Variants in SCTR observed in about 807,000 individuals in gnomAD.
SCTR encodes pancreatic secretin receptor.
SCTR carries 56 observed loss-of-function variants against 60.8 expected under a neutral mutation model. The ratio of observed to expected loss-of-function variants is 0.92; its 90% CI spans 0.74 to 1.15. The LOEUF (loss-of-function observed/expected upper bound fraction) is 1.15, where lower values mean the gene tolerates loss of function less well. Ranked by LOEUF, SCTR falls within the 50% of genes most tolerant of loss-of-function variation. The probability of loss-of-function intolerance (pLI) is 0.00; values close to 1 mark genes in which losing one functional copy is unlikely to be tolerated. For missense variants in SCTR, 562 were observed against 550.4 expected, an observed-to-expected ratio of 1.02 and a Z score of -0.21; for synonymous variants, 202 against 217.0, an observed-to-expected ratio of 0.93 and a Z score of 0.61.
At chr2:119,515,829 A>G (rs111983811) in intron 1 of SCTR, among the ~76,000 whole-genome samples, 3,297 of 152,296 alleles carry the variant, frequency 0.022, 99 homozygotes, top group African/African-American at 0.073. Flanking sequence ...GCATGCCTCT[A>G]AGATGTGTTG....
intron 1 of SCTR, among the ~76,000 whole-genome samples, chr2:119,511,089 G>T (rs1424526047): frequency 1.3e-5 from 2 of 152,040 alleles, no homozygotes; most frequent in Non-Finnish European, 2.9e-5. Flanking sequence ...TGTAGTCCTG[G>T]CTACTTGGGA....
chr2:119,481,163 C>T (rs1383265353), intron 2 of SCTR, among the ~76,000 whole-genome samples: 4 of 152,244 alleles, frequency 2.6e-5, no homozygotes, highest in Non-Finnish European at 5.9e-5. Flanking sequence ...CAATTCTTAG[C>T]TCTGGGGACT....
At chr2:119,447,010 A>C in intron 10 of SCTR, 125 bp from the exon 11 acceptor site, 2 of 1,020,366 alleles carry the variant, frequency 2.0e-6, no homozygotes, top group South Asian at 4.4e-5. Context: ...CAGTACCCCA[A>C]ACTTTTTTGT....
intron 9 of SCTR, among the ~76,000 whole-genome samples, chr2:119,450,078 AAAATAAATAAATAAAT>A (rs140544177): frequency 1.0e-4 from 15 of 145,092 alleles, no homozygotes; most frequent in Non-Finnish European, 1.9e-4. Flanking sequence ...GAAAGAAAGA[AAAATAAATAAATAAAT>A]AAATAAATAA....
chr2:119,451,153 G>C (rs1285915641), intron 9 of SCTR, among the ~76,000 whole-genome samples: 1 of 152,132 alleles, frequency 6.6e-6, no homozygotes, highest in Non-Finnish European at 1.5e-5. Context: ...ACGCAGGTGA[G>C]CCTGCACAGG....
At chr2:119,473,413 C>T (rs770613204) in intron 4 of SCTR, 40 bp downstream of exon 4, 4 of 1,426,344 alleles carry the variant, frequency 2.8e-6, no homozygotes. Context: ...CCTATAGGTT[C>T]CTGTCCCCGG....
intron 1 of SCTR, among the ~76,000 whole-genome samples, chr2:119,496,578 A>G (rs2104907252): frequency 6.6e-6 from 1 of 152,336 alleles, no homozygotes; most frequent in Non-Finnish European, 1.5e-5. Flanking sequence ...AAGTGGAAGA[A>G]GAAGACAGAT....
At chr2:119,504,701 A>G (rs1353605264) in intron 1 of SCTR, among the ~76,000 whole-genome samples, 1 of 152,186 alleles carries the variant, frequency 6.6e-6, no homozygotes, top group Non-Finnish European at 1.5e-5. Context: ...CATGATCCAT[A>G]TAAGAAAAGA....
chr2:119,501,006 C>T (rs535424011), intron 1 of SCTR, among the ~76,000 whole-genome samples: 2 of 152,002 alleles, frequency 1.3e-5, no homozygotes, highest in South Asian at 2.1e-4. Flanking sequence ...ATATATATAT[C>T]TAAATGTGTC....
At chr2:119,452,355 C>T (rs189199994) in intron 8 of SCTR, among the ~76,000 whole-genome samples, 38 of 152,296 alleles carry the variant, frequency 2.5e-4, no homozygotes, top group Admixed American at 5.2e-4. Context: ...AATTCACCAG[C>T]GAGCACGGTG....
intron 2 of SCTR, chr2:119,486,976 T>G (rs1202438713): frequency 6.6e-6 from 1 of 152,244 alleles, no homozygotes; most frequent in Admixed American, 6.5e-5. Flanking sequence ...ACAGCCAGCA[T>G]GCGTGAAGAA....
At chr2:119,522,124 A>G (rs1299560806) in intron 1 of SCTR, among the ~76,000 whole-genome samples, 3 of 152,114 alleles carry the variant, frequency 2.0e-5, no homozygotes, top group Non-Finnish European at 4.4e-5. Context: ...GAGAAATCCC[A>G]TCTCTACTAA....
chr2:119,444,483 A>C (rs1312498556), intron 11 of SCTR, among the ~76,000 whole-genome samples: 1 of 103,892 alleles, frequency 9.6e-6, no homozygotes, highest in East Asian at 2.7e-4. Context: ...ACGTACGTAT[A>C]TATATACACA....
At chr2:119,443,147 A>G (rs1381799711) in intron 11 of SCTR, among the ~76,000 whole-genome samples, 2 of 152,164 alleles carry the variant, frequency 1.3e-5, no homozygotes, top group Non-Finnish European at 1.5e-5. Flanking sequence ...ACACATTTTC[A>G]CTGTTCAGGG....
At chr2:119,501,406 T>C (rs1393661322) in intron 1 of SCTR, among the ~76,000 whole-genome samples, 1 of 144,004 alleles carries the variant, frequency 6.9e-6, no homozygotes, top group African/African-American at 2.6e-5. Context: ...TGAGACTCCA[T>C]CTAAAAAAAA....
At chr2:119,452,583 A>G (rs1209557948) in intron 8 of SCTR, among the ~76,000 whole-genome samples, 1 of 152,162 alleles carries the variant, frequency 6.6e-6, no homozygotes, top group East Asian at 1.9e-4. Flanking sequence ...ATTTTTTTCT[A>G]GACAAGCTGA....
intron 1 of SCTR, among the ~76,000 whole-genome samples, chr2:119,513,369 A>G (rs1679016556): frequency 6.6e-6 from 1 of 152,226 alleles, no homozygotes; most frequent in Non-Finnish European, 1.5e-5. Context: ...TATGTGGTCA[A>G]TCTGTCATCT....
chr2:119,465,851 G>A lies in SCTR; in HGVS notation c.441C>T (p.Thr147=). ...SYLLKLKVMY[T]VGYSSSLVML... ...TGACCAGGGAGGAGCTGTAGCCCAC[G>A]GTGTACATGACTTTCAGCTTCAGCA... is the stretch of plus-strand genomic sequence containing the variant. The change falls in exon 5 of 13, where the codon ACC becomes ACT. Residue 147 remains threonine (T), a synonymous_variant. Transcript: ENST00000019103. The A allele has an allele frequency of 5.0e-6, 8 of 1,613,990 alleles. No individual in the cohort carries two copies. Among genetic ancestry groups the A allele is most frequent in the South Asian group, 1.1e-5 (1 of 91,070 alleles).
chr2:119,475,968 A>G (rs558257188), intron 3 of SCTR, among the ~76,000 whole-genome samples: 6 of 152,212 alleles, frequency 3.9e-5, no homozygotes, highest in South Asian at 4.1e-4. Context: ...AATACACCCT[A>G]GAGGGAGCAT....
Sources: gnomAD v4.1 joint callset for allele counts (sites outside exome capture counted in the v4.1 genomes callset) on GRCh38, gnomAD v4.1.1 for gene constraint, MANE v1.5 for transcripts, NCBI Gene and HGNC (gene_info 2026-07-23, HGNC 2026-07-21) for gene names.